CSMD2: variants seen among roughly 807,000 people sequenced by gnomAD.
CSMD2 encodes CUB and Sushi multiple domains 2.
A neutral mutation model predicts 398.5 loss-of-function variants in CSMD2; 130 were observed. That is an observed-to-expected ratio of 0.33 (90% CI 0.28 to 0.38). CSMD2 has a LOEUF of 0.38. Among genes scored for constraint, CSMD2 ranks in the 10% least tolerant of loss-of-function variants. The pLI is 1.00. For synonymous variants in CSMD2, 1,828 were observed against 1,908.5 expected, an observed-to-expected ratio of 0.96 and a Z score of 1.10; for missense variants, 3,829 against 4,764.9, an observed-to-expected ratio of 0.80 and a Z score of 5.78.
chr1:33,995,162 A>G (rs1646686895), intron 3 of CSMD2, among the ~76,000 whole-genome samples: 1 of 152,208 alleles, frequency 6.6e-6, no homozygotes, highest in Non-Finnish European at 1.5e-5. Context: ...AGTGATGAAG[A>G]GAAAGAGAAG....
chr1:34,093,155 C>T (rs1230580200), intron 1 of CSMD2, among the ~76,000 whole-genome samples: 1 of 152,074 alleles, frequency 6.6e-6, no homozygotes, highest in Non-Finnish European at 1.5e-5. Context: ...CACACTGACA[C>T]CTCACACTGC....
intron 25 of CSMD2, among the ~76,000 whole-genome samples, chr1:33,669,410 C>A (rs575392092): frequency 3.9e-4 from 59 of 152,264 alleles, no homozygotes; most frequent in Non-Finnish European, 6.8e-4. Flanking sequence ...CCATCAGGAC[C>A]ACGTCTATCT....
chr1:33,522,933 G>A (rs1461533729), intron 67 of CSMD2, among the ~76,000 whole-genome samples: 1 of 152,250 alleles, frequency 6.6e-6, no homozygotes, highest in South Asian at 2.1e-4. Flanking sequence ...CAAGTGTGAG[G>A]AGAAGTTCAA....
chr1:34,033,036 C>G (rs1311065450), intron 2 of CSMD2, among the ~76,000 whole-genome samples: 1 of 152,200 alleles, frequency 6.6e-6, no homozygotes, highest in Non-Finnish European at 1.5e-5. Flanking sequence ...GTATAATTCC[C>G]CATGAGTTTA....
At chr1:33,587,323 C>G (rs1343545397) in intron 44 of CSMD2, among the ~76,000 whole-genome samples, 155 bp from the exon 45 acceptor site, 1 of 152,144 alleles carries the variant, frequency 6.6e-6, no homozygotes, top group African/African-American at 2.4e-5. Context: ...TTAGCCAAGT[C>G]CTTTTTGCTT....
chr1:33,758,849 C>T (rs2149295316), intron 13 of CSMD2, among the ~76,000 whole-genome samples: 1 of 152,314 alleles, frequency 6.6e-6, no homozygotes, highest in African/African-American at 2.4e-5. Flanking sequence ...CCTGAAGCTT[C>T]TGCCTTCTGG....
intron 11 of CSMD2, among the ~76,000 whole-genome samples, chr1:33,791,006 C>A (rs1654240008): frequency 6.6e-6 from 1 of 152,164 alleles, no homozygotes; most frequent in South Asian, 2.1e-4. Flanking sequence ...TCAGTGGGTA[C>A]CATTGGATAA....
At chr1:33,953,442 C>T (rs1380352681) in intron 3 of CSMD2, among the ~76,000 whole-genome samples, 3 of 152,212 alleles carry the variant, frequency 2.0e-5, no homozygotes, top group Non-Finnish European at 4.4e-5. Flanking sequence ...CCTGTGCCAA[C>T]TTGCAACGTT....
intron 28 of CSMD2, among the ~76,000 whole-genome samples, chr1:33,650,102 T>A (rs193276039): frequency 6.6e-6 from 1 of 152,310 alleles, no homozygotes; most frequent in African/African-American, 2.4e-5. Flanking sequence ...TCACAAATGA[T>A]GGCATCACCA....
At chr1:34,091,947 G>T (rs542953552) in intron 1 of CSMD2, among the ~76,000 whole-genome samples, 1 of 152,106 alleles carries the variant, frequency 6.6e-6, no homozygotes, top group African/African-American at 2.4e-5. Flanking sequence ...ATTATGGTTT[G>T]TAGATGATAC....
intron 2 of CSMD2, among the ~76,000 whole-genome samples, chr1:34,046,791 T>C (rs114979480): frequency 9.2e-4 from 140 of 152,318 alleles, no homozygotes; most frequent in South Asian, 1.9e-3. Flanking sequence ...TATGCTTGGT[T>C]CTCAGGATAA....
chr1:33,729,647 C>T (rs889036436), intron 15 of CSMD2, among the ~76,000 whole-genome samples: 1 of 150,582 alleles, frequency 6.6e-6, no homozygotes, highest in African/African-American at 2.4e-5. Context: ...CACCCCACAA[C>T]AGTCCCCAGA....
chr1:33,781,831 G>A (rs920240119), intron 12 of CSMD2, among the ~76,000 whole-genome samples: 3 of 152,250 alleles, frequency 2.0e-5, no homozygotes, highest in East Asian at 3.9e-4. Context: ...ACAGCTGGTC[G>A]CCCCCATGGA....
chr1:33,836,770 C>G (rs116191647), intron 6 of CSMD2, among the ~76,000 whole-genome samples: 1 of 152,194 alleles, frequency 6.6e-6, no homozygotes, highest in East Asian at 1.9e-4. Context: ...TCACCCCTTT[C>G]CTTGGCTAGG....
chr1:33,849,884 C>T, intron 5 of CSMD2, among the ~76,000 whole-genome samples: 1 of 146,800 alleles, frequency 6.8e-6, no homozygotes, highest in East Asian at 1.9e-4. Flanking sequence ...AAAAACAAAT[C>T]AAAACAAAAC....
intron 64 of CSMD2, among the ~76,000 whole-genome samples, chr1:33,529,724 C>T (rs1430334001): frequency 6.6e-6 from 1 of 152,136 alleles, no homozygotes; most frequent in Non-Finnish European, 1.5e-5. Context: ...TTGGATGTAT[C>T]ACAGTTTCTT....
intron 1 of CSMD2, among the ~76,000 whole-genome samples, chr1:34,117,404 T>C (rs1232841564): frequency 2.6e-5 from 4 of 151,812 alleles, no homozygotes; most frequent in African/African-American, 9.7e-5. Context: ...CAAGACTGAA[T>C]CATGAAGAAA....
At chr1:33,983,312 C>T (rs763059539) in intron 3 of CSMD2, among the ~76,000 whole-genome samples, 5 of 152,198 alleles carry the variant, frequency 3.3e-5, no homozygotes, top group Non-Finnish European at 4.4e-5. Flanking sequence ...GTGGGCAATG[C>T]AGCAGGTCTA....
Position 33,845,706 on chromosome 1 carries a change from C to T in CSMD2, c.1033+1178G>A, listed in dbSNP as rs145977057. 8.6e-3 allele frequency among the ~76,000 whole-genome samples: 1,309 copies of T among 152,330 alleles called. 5 individuals are homozygous for T. The highest frequency in any genetic ancestry group is 0.013 in the Non-Finnish European group (905 of 68,034). On this transcript the variant is annotated intron_variant, in intron 6 of 70. Coordinates refer to ENST00000373381, the MANE Select transcript of CSMD2 (RefSeq NM_001281956.2). ...CTGAACCAAGTTGGTTTCTTGTTTACTTTCTAGATATTTCAAATGGGTACA... is the reference window on the plus strand; with the variant it reads ...CTGAACCAAGTTGGTTTCTTGTTTATTTTCTAGATATTTCAAATGGGTACA...
Sources: allele counts gnomAD v4.1 joint callset (sites outside exome capture counted in the v4.1 genomes callset), GRCh38; gene constraint gnomAD v4.1.1; transcripts MANE v1.5; gene names NCBI Gene and HGNC (gene_info 2026-07-23, HGNC 2026-07-21).